IRAG2: variants seen among roughly 807,000 people sequenced by gnomAD.
IRAG2 encodes the protein lymphoid restricted membrane protein.
IRAG2 carries 45 observed loss-of-function variants against 69.9 expected under a neutral mutation model. The ratio of observed to expected loss-of-function variants is 0.64; its 90% CI spans 0.51 to 0.83. IRAG2 has a LOEUF of 0.83. Ranked by LOEUF, IRAG2 falls within the 40% of genes least tolerant of loss-of-function variation. The pLI, the probability that IRAG2 is intolerant of heterozygous loss-of-function variation, is 0.00. For synonymous variants in IRAG2, 193 were observed against 202.4 expected (o/e 0.95, Z 0.40); for missense variants, 520 against 587.0 (o/e 0.89, Z 1.18).
intron 6 of IRAG2, among the ~76,000 whole-genome samples, chr12:25,070,317 C>G (rs909695362): frequency 1.3e-5 from 2 of 152,322 alleles, no homozygotes; most frequent in African/African-American, 4.8e-5. Flanking sequence ...AATCTACTTT[C>G]TGTCCTATAG....
At chr12:25,015,695 C>T (rs1457151375) in intron 5 of IRAG2, among the ~76,000 whole-genome samples, 3 of 152,226 alleles carry the variant, frequency 2.0e-5, no homozygotes, top group Non-Finnish European at 4.4e-5. Context: ...CCTGTGCTTT[C>T]TGTAGGGAAA....
At chr12:25,096,008 G>T (rs1276777823) in intron 14 of IRAG2, among the ~76,000 whole-genome samples, 1 of 152,170 alleles carries the variant, frequency 6.6e-6, no homozygotes, top group Non-Finnish European at 1.5e-5. Context: ...ACACATATCT[G>T]TCTGTTTCAA....
exon 1 of IRAG2, chr12:25,004,474 A>T (rs1254542365): frequency 1.6e-6 from 2 of 1,232,044 alleles, no homozygotes; most frequent in Admixed American, 8.4e-5. Context: ...CCAATCTAGC[A>T]GTTTTGATAG....
chr12:25,057,556 G>GT (rs1945345753), intron 1 of IRAG2, among the ~76,000 whole-genome samples: 1 of 152,062 alleles, frequency 6.6e-6, no homozygotes, highest in South Asian at 2.1e-4. Context: ...ACTCTGCCCA[G>GT]CTGCATGTAT....
intron 11 of IRAG2, 49 bp from the exon 12 acceptor site, chr12:25,089,565 T>C (rs1205052565): frequency 8.7e-7 from 1 of 1,144,064 alleles, no homozygotes; most frequent in Admixed American, 2.1e-5. Flanking sequence ...AATGTGCTTT[T>C]ACAGGTCAAG....
chr12:25,056,896 C>A (rs997344104), intron 1 of IRAG2, among the ~76,000 whole-genome samples: 13 of 152,136 alleles, frequency 8.5e-5, no homozygotes, highest in African/African-American at 3.1e-4. Context: ...GGGCCTCCCT[C>A]CCCAGAGTCA....
chr12:25,005,587 T>A (rs1278243466), intron 2 of IRAG2, among the ~76,000 whole-genome samples: 1 of 152,236 alleles, frequency 6.6e-6, no homozygotes, highest in Non-Finnish European at 1.5e-5. Flanking sequence ...ACTTGAATGA[T>A]TCTTTTTGAG....
chr12:25,034,709 G>A (rs1011113922), intron 13 of IRAG2, among the ~76,000 whole-genome samples: 1 of 152,156 alleles, frequency 6.6e-6, no homozygotes, highest in Non-Finnish European at 1.5e-5. Flanking sequence ...CGATAGATAT[G>A]TCAGAATGTT....
chr12:25,079,858 GTTAT>G (rs1947077038), intron 9 of IRAG2, 95 bp downstream of exon 9: 1 of 674,566 alleles, frequency 1.5e-6, no homozygotes, highest in East Asian at 2.8e-5. Flanking sequence ...GCTCAATAAT[GTTAT>G]TTAATTTTTT....
At chr12:25,064,848 G>A (rs1945865204) in intron 4 of IRAG2, among the ~76,000 whole-genome samples, 1 of 152,146 alleles carries the variant, frequency 6.6e-6, no homozygotes, top group South Asian at 2.1e-4. Flanking sequence ...CCTGCACTTT[G>A]GGAGGCCGAG....
upstream of IRAG2, chr12:25,004,302 C>T (rs1026054961): frequency 8.2e-7 from 1 of 1,213,380 alleles, no homozygotes. Flanking sequence ...TTTGCCTATA[C>T]TTTAGCCACT....
intron 10 of IRAG2, among the ~76,000 whole-genome samples, chr12:25,083,923 T>C (rs1367979960): frequency 6.6e-6 from 1 of 152,240 alleles, no homozygotes; most frequent in Non-Finnish European, 1.5e-5. Flanking sequence ...AATTAGAGTG[T>C]GCTTAGTGCT....
chr12:25,038,381 G>A (rs1189996683), intron 16 of IRAG2, among the ~76,000 whole-genome samples: 1 of 152,048 alleles, frequency 6.6e-6, no homozygotes, highest in Non-Finnish European at 1.5e-5. Flanking sequence ...GGTGGCTCAC[G>A]CCTGTAATCC....
At chr12:25,105,905 G>A (rs1175644206) in intron 20 of IRAG2, among the ~76,000 whole-genome samples, 4 of 152,116 alleles carry the variant, frequency 2.6e-5, no homozygotes, top group African/African-American at 9.7e-5. Flanking sequence ...GGTATTATGA[G>A]CTTGAGATTT....
At chr12:25,029,368 C>A (rs1944650919) in intron 9 of IRAG2, among the ~76,000 whole-genome samples, 1 of 152,204 alleles carries the variant, frequency 6.6e-6, no homozygotes, top group Non-Finnish European at 1.5e-5. Flanking sequence ...TAACCTCAGG[C>A]AAGCTCTAAG....
At chr12:25,090,988 G>C in intron 14 of IRAG2, 8 of 310,868 alleles carry the variant, frequency 2.6e-5, no homozygotes, top group South Asian at 2.1e-4. Flanking sequence ...GAAGAATGGG[G>C]GTGCAGAGGA....
intron 9 of IRAG2, among the ~76,000 whole-genome samples, chr12:25,080,391 G>A (rs1169933633): frequency 1.7e-4 from 24 of 142,348 alleles, no homozygotes; most frequent in African/African-American, 4.3e-4. Flanking sequence ...TCGTTGTGTC[G>A]CCCAGGCTGC....
At chr12:25,041,987 GTGTGTA>G (rs1449621028) in intron 16 of IRAG2, among the ~76,000 whole-genome samples, 6 of 142,106 alleles carry the variant, frequency 4.2e-5, no homozygotes, top group South Asian at 2.2e-4. Flanking sequence ...GTGTGTGTGT[GTGTGTA>G]TGTGTATGTG....
chr12:25,065,348 G>A (rs1197362418), intron 4 of IRAG2, among the ~76,000 whole-genome samples: 1 of 152,156 alleles, frequency 6.6e-6, no homozygotes, highest in Non-Finnish European at 1.5e-5. Context: ...CTGGTATGTG[G>A]CAGAGCCAGG....
Sources: gnomAD v4.1 joint callset for allele counts (sites outside exome capture counted in the v4.1 genomes callset) on GRCh38, gnomAD v4.1.1 for gene constraint, MANE v1.5 for transcripts, NCBI Gene and HGNC (gene_info 2026-07-23, HGNC 2026-07-21) for gene names.